The following GCNT1 variants were observed in gnomAD, a reference collection of about 807,000 sequenced individuals.
The protein encoded by GCNT1 is beta-1,3-galactosyl-O-glycosyl-glycoprotein beta-1,6-N-acetylglucosaminyltransferase.
GCNT1 carries 16 observed loss-of-function variants against 26.2 expected under a neutral mutation model. The observed-to-expected ratio is 0.61, with a 90% CI of 0.41 to 0.93. The LOEUF is 0.93. GCNT1 is among the 40% of genes least tolerant of loss of function. The pLI is 0.00. For missense variants in GCNT1, 477 were observed against 526.7 expected, an observed-to-expected ratio of 0.91 and a Z score of 0.92; for synonymous variants, 183 against 190.8, an observed-to-expected ratio of 0.96 and a Z score of 0.34.
intron 1 of GCNT1, among the ~76,000 whole-genome samples, chr9:76,427,314 A>G (rs1176651311): frequency 2.0e-5 from 3 of 151,062 alleles, no homozygotes; most frequent in Non-Finnish European, 4.4e-5. Flanking sequence ...CTCCTACCTC[A>G]GTCACTACAG....
chr9:76,471,455 T>G (rs1402889526), intron 2 of GCNT1, among the ~76,000 whole-genome samples: 1 of 152,196 alleles, frequency 6.6e-6, no homozygotes, highest in Non-Finnish European at 1.5e-5. Context: ...GGCGCTTGAC[T>G]TCCACAAACC....
At chr9:76,493,875 C>T (rs1824821948) in intron 2 of GCNT1, among the ~76,000 whole-genome samples, 1 of 152,130 alleles carries the variant, frequency 6.6e-6, no homozygotes, top group South Asian at 2.1e-4. Context: ...CTACTTCCCT[C>T]AGGTGGACAT....
chr9:76,404,229 C>T, the GCNT1 span, among the ~76,000 whole-genome samples: 13 of 151,946 alleles, frequency 8.6e-5, no homozygotes, highest in Admixed American at 1.3e-4. Flanking sequence ...ACTGGTGTTT[C>T]CCTCCTTTTT....
At chr9:76,478,057 G>A (rs564890253) in intron 2 of GCNT1, among the ~76,000 whole-genome samples, 1 of 152,314 alleles carries the variant, frequency 6.6e-6, no homozygotes, top group Admixed American at 6.5e-5. Context: ...GGACCAATCA[G>A]CACTCTGTAA....
chr9:76,412,880 C>T, the GCNT1 span, among the ~76,000 whole-genome samples: 1 of 152,212 alleles, frequency 6.6e-6, no homozygotes, highest in Admixed American at 6.5e-5. Context: ...TCAGTCACAG[C>T]ATGATTTCAT....
At chr9:76,489,526 C>T (rs888794550) in intron 2 of GCNT1, among the ~76,000 whole-genome samples, 9 of 152,088 alleles carry the variant, frequency 5.9e-5, no homozygotes, top group East Asian at 1.9e-4. Flanking sequence ...TATTTGGACC[C>T]GCCCATGTCC....
Position 76,502,900 on chromosome 9 carries a change from T to C in GCNT1, c.519T>C (p.Phe173=). 1 of 1,613,898 alleles carries C rather than the reference T, an allele frequency of 6.2e-7. No individual in the cohort carries two copies. Among genetic ancestry groups the C allele is most frequent in the South Asian group, 1.1e-5 (1 of 91,090 alleles). The change falls in exon 4 of 4, where the codon TTT becomes TTC. Residue 173 remains phenylalanine (F), a synonymous_variant. Transcript: ENST00000376730. The part of the protein sequence containing the change: ...LAAVMGIASC[F]SNVFVASRLE... Reference sequence around the variant, plus strand: ...CAGTGATGGGCATCGCTTCCTGTTTTAGTAATGTCTTTGTGGCCAGCCGAT... The same window carrying C: ...CAGTGATGGGCATCGCTTCCTGTTTCAGTAATGTCTTTGTGGCCAGCCGAT...
chr9:76,469,299 G>A (rs62565109), intron 2 of GCNT1, among the ~76,000 whole-genome samples: 24,419 of 152,178 alleles, frequency 0.16, 2,284 homozygotes, highest in Non-Finnish European at 0.22. Context: ...GAAGGTAACC[G>A]CATCCACCTT....
chr9:76,497,436 C>T (rs1239651691), intron 2 of GCNT1, among the ~76,000 whole-genome samples: 4 of 152,144 alleles, frequency 2.6e-5, no homozygotes, highest in African/African-American at 9.7e-5. Flanking sequence ...GATTTGACTT[C>T]TGTATTCACC....
At chr9:76,467,168 A>G (rs1168353937) in intron 2 of GCNT1, among the ~76,000 whole-genome samples, 2 of 151,876 alleles carry the variant, frequency 1.3e-5, no homozygotes, top group East Asian at 3.9e-4. Context: ...TCAGCCTCCC[A>G]AGTATCTGGG....
chr9:76,480,189 G>A (rs965177458), intron 2 of GCNT1, among the ~76,000 whole-genome samples: 1 of 151,968 alleles, frequency 6.6e-6, no homozygotes, highest in African/African-American at 2.4e-5. Flanking sequence ...ATTTCTGAGG[G>A]CTCTGTTCTG....
chr9:76,453,656 G>A (rs1004864213), intron 1 of GCNT1, among the ~76,000 whole-genome samples: 1 of 152,194 alleles, frequency 6.6e-6, no homozygotes, highest in Non-Finnish European at 1.5e-5. Flanking sequence ...TCCCCAGGTC[G>A]AGGAGCTGAG....
chr9:76,499,698 T>C (rs1181096643), intron 2 of GCNT1, among the ~76,000 whole-genome samples: 4 of 152,236 alleles, frequency 2.6e-5, no homozygotes, highest in Non-Finnish European at 5.9e-5. Context: ...AGCAGTTTTC[T>C]GTTTACAGAC....
intron 2 of GCNT1, among the ~76,000 whole-genome samples, chr9:76,471,214 C>T (rs554438517): frequency 1.3e-5 from 2 of 152,260 alleles, no homozygotes; most frequent in East Asian, 1.9e-4. Context: ...TTAGTAGAGA[C>T]GGGGTTTCAC....
intron 1 of GCNT1, among the ~76,000 whole-genome samples, chr9:76,452,800 A>G (rs539492357): frequency 1.1e-4 from 17 of 152,188 alleles, no homozygotes; most frequent in African/African-American, 3.9e-4. Context: ...GATCGAAACC[A>G]TATCACCCCC....
At chr9:76,495,629 C>T (rs924526835) in intron 2 of GCNT1, among the ~76,000 whole-genome samples, 1 of 152,118 alleles carries the variant, frequency 6.6e-6, no homozygotes, top group Non-Finnish European at 1.5e-5. Flanking sequence ...GGTACATTTA[C>T]GATCATCTAG....
At chr9:76,414,899 T>C (rs945055622), upstream of GCNT1, among the ~76,000 whole-genome samples, 1 of 152,144 alleles carries the variant, frequency 6.6e-6, no homozygotes, top group Admixed American at 6.6e-5. Flanking sequence ...AGTCTTATCC[T>C]GTGAATAAGA....
At chr9:76,449,183 A>T (rs62564443) in intron 1 of GCNT1, among the ~76,000 whole-genome samples, 3,254 of 152,124 alleles carry the variant, frequency 0.021, 67 homozygotes, top group Non-Finnish European at 0.032. Context: ...AATAAAATAA[A>T]TTAGCGGGGC....
intron 1 of GCNT1, among the ~76,000 whole-genome samples, chr9:76,446,285 C>T (rs1330234643): frequency 6.6e-6 from 1 of 152,090 alleles, no homozygotes; most frequent in East Asian, 1.9e-4. Flanking sequence ...GTCTCCAGAA[C>T]ATATAGAGGG....
Sources: gnomAD v4.1 joint callset for allele counts (sites outside exome capture counted in the v4.1 genomes callset) on GRCh38, gnomAD v4.1.1 for gene constraint, MANE v1.5 for transcripts, NCBI Gene and HGNC (gene_info 2026-07-23, HGNC 2026-07-21) for gene names.